Variants in CDH13 observed in about 807,000 individuals in gnomAD.
CDH13 encodes cadherin-13.
A neutral mutation model predicts 63.8 loss-of-function variants in CDH13; 24 were observed. The observed-to-expected ratio is 0.38, with a 90% confidence interval of 0.27 to 0.53. The LOEUF is 0.53. Ranked by LOEUF, CDH13 falls within the 20% of genes least tolerant of loss-of-function variation. CDH13 has a pLI of 0.85. For missense variants in CDH13, 1,049 were observed against 903.1 expected (o/e 1.16, Z -2.07); for synonymous variants, 503 against 355.3 (o/e 1.42, Z -4.67).
chr16:82,651,379 A>C (rs534245882), intron 1 of CDH13, among the ~76,000 whole-genome samples: 30 of 152,306 alleles, frequency 2.0e-4, no homozygotes, highest in Admixed American at 1.2e-3. Context: ...TCACCCAACC[A>C]TCAGAAGCCT....
At chr16:82,719,304 A>T in intron 1 of CDH13, 1 of 453,170 alleles carries the variant, frequency 2.2e-6, no homozygotes, top group Non-Finnish European at 4.4e-6. Flanking sequence ...TGGTGTGGAG[A>T]TGCACTGTTA....
At chr16:83,517,407 G>A (rs1319258190) in intron 7 of CDH13, among the ~76,000 whole-genome samples, 1 of 152,196 alleles carries the variant, frequency 6.6e-6, no homozygotes, top group Non-Finnish European at 1.5e-5. Flanking sequence ...GTCTGCTGGG[G>A]AGCTCTGTTC....
chr16:82,773,734 G>A (rs1050114161), intron 1 of CDH13, among the ~76,000 whole-genome samples: 57 of 151,660 alleles, frequency 3.8e-4, no homozygotes, highest in African/African-American at 1.4e-3. Flanking sequence ...TGCCAACATT[G>A]CATTTTTTTT....
intron 10 of CDH13, among the ~76,000 whole-genome samples, chr16:83,722,408 C>T (rs891482191): frequency 6.6e-6 from 1 of 152,172 alleles, no homozygotes; most frequent in Non-Finnish European, 1.5e-5. Context: ...TAGCAGTTTG[C>T]AGGGGCCAGT....
chr16:83,512,540 C>T (rs556850279), intron 7 of CDH13, among the ~76,000 whole-genome samples: 12 of 149,928 alleles, frequency 8.0e-5, no homozygotes, highest in South Asian at 4.2e-4. Context: ...TGGTGGCATG[C>T]GCCTGTAGTC....
At chr16:83,717,815 T>G (rs527998194) in intron 10 of CDH13, 1 of 152,180 alleles carries the variant, frequency 6.6e-6, no homozygotes, top group Non-Finnish European at 1.5e-5. Context: ...ACCGTGCACG[T>G]TCTGCAGGAC....
At position 82,866,377 on chromosome 16, in the gene CDH13, C is replaced by CTTTTTTTTTTTTTTTTTTTTTTTTTT. The variant is rs538206338; in HGVS notation, c.157+7908_157+7933dup. 1.4e-4 allele frequency among the ~76,000 whole-genome samples: 8 copies of CTTTTTTTTTTTTTTTTTTTTTTTTTT among 58,300 alleles called. 1 individual carries two copies. The highest frequency in any genetic ancestry group is 2.7e-4 in the Admixed American group (1 of 3,746). The allele number at this position is 58,300 out of a possible 152,430, so 38.2% of individuals were successfully genotyped here. A position where few individuals can be genotyped will look rare whatever the true frequency, so the allele number is the denominator to read the frequency against. On this transcript the variant is annotated intron_variant, in intron 2 of 13. Transcript: ENST00000567109. ...TCTGTTTTCTTTTCTTTTTCTTCTT[C>CTTTTTTTTTTTTTTTTTTTTTTTTTT]TTTTTTTTTTTTTTTTTTTTTTTTT...
chr16:83,552,385 C>A (rs1185403592), intron 7 of CDH13, among the ~76,000 whole-genome samples: 1 of 152,188 alleles, frequency 6.6e-6, no homozygotes, highest in African/African-American at 2.4e-5. Context: ...CTGGTAACTC[C>A]TGTAACTGTC....
chr16:82,764,016 G>A (rs909982167), intron 1 of CDH13, among the ~76,000 whole-genome samples: 2 of 152,198 alleles, frequency 1.3e-5, no homozygotes, highest in Non-Finnish European at 2.9e-5. Context: ...ACAAGGACTG[G>A]TTGCATCTCA....
chr16:83,619,203 C>T (rs1909575412), intron 8 of CDH13, among the ~76,000 whole-genome samples: 1 of 152,166 alleles, frequency 6.6e-6, no homozygotes, highest in Admixed American at 6.5e-5. Flanking sequence ...TTTCCAGGCT[C>T]TGTGATAAGC....
intron 2 of CDH13, among the ~76,000 whole-genome samples, chr16:82,903,891 G>C (rs2041554034): frequency 6.6e-6 from 1 of 152,166 alleles, no homozygotes; most frequent in Non-Finnish European, 1.5e-5. Context: ...GAAGTGGCAA[G>C]TCACAATGGG....
At chr16:82,944,200 G>A (rs16958905) in intron 2 of CDH13, among the ~76,000 whole-genome samples, 16,358 of 152,172 alleles carry the variant, frequency 0.11, 982 homozygotes, top group African/African-American at 0.14. Context: ...CATGATTAAC[G>A]GACTGTGGAA....
intron 10 of CDH13, 44 bp from the exon 11 acceptor site, chr16:83,748,064 T>C (rs376339733): frequency 6.2e-7 from 1 of 1,610,400 alleles, no homozygotes. Flanking sequence ...GTTTCTTGAA[T>C]CTACTTTGAA....
intron 7 of CDH13, among the ~76,000 whole-genome samples, chr16:83,585,048 A>C (rs1000904398): frequency 6.6e-6 from 1 of 152,152 alleles, no homozygotes; most frequent in Admixed American, 6.5e-5. Context: ...ACAATTCAAC[A>C]TGAGATTTGG....
intron 4 of CDH13, among the ~76,000 whole-genome samples, chr16:83,173,673 TG>T (rs1332410427): frequency 6.6e-6 from 1 of 152,138 alleles, no homozygotes. Flanking sequence ...TTGCAAAATT[TG>T]GCAAACTATA....
intron 6 of CDH13, among the ~76,000 whole-genome samples, chr16:83,424,609 C>A (rs575610609): frequency 6.6e-6 from 1 of 152,098 alleles, no homozygotes; most frequent in Non-Finnish European, 1.5e-5. Context: ...GGAAGGGTCA[C>A]TAAGCCCCCT....
intron 4 of CDH13, among the ~76,000 whole-genome samples, chr16:83,176,512 G>GAAAAAAAAAA (rs869250059): frequency 2.8e-5 from 2 of 71,778 alleles, no homozygotes; most frequent in Non-Finnish European, 5.6e-5. Flanking sequence ...TCCAGCTAGA[G>GAAAAAAAAAA]AAAAAAAAAA....
chr16:82,866,428 G>A (rs147051880), intron 2 of CDH13, among the ~76,000 whole-genome samples: 8 of 104,378 alleles, frequency 7.7e-5, no homozygotes, highest in Non-Finnish European at 1.1e-4. Context: ...TCACTTTGTC[G>A]CCCAGGCTGG....
At chr16:83,464,720 C>T (rs946403498) in intron 6 of CDH13, among the ~76,000 whole-genome samples, 2 of 152,126 alleles carry the variant, frequency 1.3e-5, no homozygotes, top group Non-Finnish European at 2.9e-5. Flanking sequence ...TCCACCATAA[C>T]CTCATTTTAA....
Sources: allele counts gnomAD v4.1 joint callset (sites outside exome capture counted in the v4.1 genomes callset), GRCh38; gene constraint gnomAD v4.1.1; transcripts MANE v1.5; gene names NCBI Gene and HGNC (gene_info 2026-07-23, HGNC 2026-07-21).